Variants in FARS2 observed in about 807,000 individuals in gnomAD.
The protein encoded by FARS2 is phenylalanyl-tRNA synthetase 2, mitochondrial.
Under a neutral mutation model 46.4 loss-of-function variants are expected in FARS2, and 40 were observed. The observed-to-expected ratio is 0.86, with a 90% CI of 0.67 to 1.12. The LOEUF (loss-of-function observed/expected upper bound fraction) is 1.12. Ranked by LOEUF, FARS2 falls within the 50% of genes most tolerant of loss-of-function variation. FARS2 has a pLI of 0.00. For missense variants in FARS2, 513 were observed against 567.9 expected, an observed-to-expected ratio of 0.90 and a Z score of 0.98; for synonymous variants, 234 against 214.9, an observed-to-expected ratio of 1.09 and a Z score of -0.78.
chr6:5,387,958 C>T (rs1197543728), intron 2 of FARS2, among the ~76,000 whole-genome samples: 3 of 152,160 alleles, frequency 2.0e-5, no homozygotes, highest in Non-Finnish European at 4.4e-5. Context: ...ACAGAAAGTT[C>T]CTGTATAATC....
intron 4 of FARS2, among the ~76,000 whole-genome samples, chr6:5,448,032 A>G (rs1257503919): frequency 6.6e-6 from 1 of 152,250 alleles, no homozygotes; most frequent in Non-Finnish European, 1.5e-5. Flanking sequence ...ATGGGATAGC[A>G]CATTCAAAGA....
chr6:5,397,547 G>A (rs1000728579), intron 2 of FARS2, among the ~76,000 whole-genome samples: 2 of 152,140 alleles, frequency 1.3e-5, no homozygotes, highest in African/African-American at 4.8e-5. Context: ...TGTGGAGGAG[G>A]AATTATATGG....
chr6:5,291,901 A>G (rs189302651), intron 1 of FARS2, among the ~76,000 whole-genome samples: 93 of 152,366 alleles, frequency 6.1e-4, no homozygotes, highest in Non-Finnish European at 8.5e-4. Context: ...TTATTACTCC[A>G]AAGAGTGCAT....
intron 4 of FARS2, among the ~76,000 whole-genome samples, chr6:5,499,794 C>CT (rs1482377367): frequency 6.6e-6 from 1 of 152,156 alleles, no homozygotes; most frequent in Non-Finnish European, 1.5e-5. Context: ...TTGATGAGAT[C>CT]ATAAGTCGTT....
rs188494125 is a variant in FARS2, at chr6:5,583,940, T to C, written c.1066-29229T>C. 1.2e-3 allele frequency among the ~76,000 whole-genome samples: 185 copies of C among 152,320 alleles called. 1 individual carries two copies. The highest frequency in any genetic ancestry group is 3.4e-3 in the Middle Eastern group (1 of 294). ...ACTTACTTCCTGAGAAAACTATTGC[T>C]GTTTCTTAAAGGTTCAATGGCTTTT... On this transcript the variant is annotated intron_variant, in intron 5 of 6. Transcript: ENST00000274680.
At chr6:5,272,578 C>G (rs755880601) in intron 1 of FARS2, 2 of 151,948 alleles carry the variant, frequency 1.3e-5, no homozygotes, top group Non-Finnish European at 2.9e-5. Flanking sequence ...ACATGTGATA[C>G]TTTAATACAT....
chr6:5,639,767 G>A (rs186855199), intron 6 of FARS2, among the ~76,000 whole-genome samples: 1 of 152,334 alleles, frequency 6.6e-6, no homozygotes, highest in African/African-American at 2.4e-5. Context: ...TTGATGACCA[G>A]TGGCTGCTTA....
At chr6:5,747,734 A>G (rs1440122866) in intron 6 of FARS2, among the ~76,000 whole-genome samples, 1 of 152,212 alleles carries the variant, frequency 6.6e-6, no homozygotes, top group African/African-American at 2.4e-5. Flanking sequence ...GAAACTGTGC[A>G]TGTAATCTTG....
intron 6 of FARS2, among the ~76,000 whole-genome samples, chr6:5,660,699 G>A (rs1355063411): frequency 1.3e-5 from 2 of 151,604 alleles, no homozygotes; most frequent in African/African-American, 4.9e-5. Flanking sequence ...TCAAGGTTGA[G>A]TGTGAGGCCA....
At position 5,499,766 on chromosome 6, in the gene FARS2, C is replaced by G. The variant is rs571417820; in HGVS notation, c.905-45414C>G. Among the ~76,000 whole-genome samples the G allele has an allele frequency of 2.6e-3, 398 of 152,316 alleles. 6 individuals are homozygous for G. The South Asian group carries it at 0.034, about 13-fold the overall frequency. On this transcript the variant is annotated intron_variant, in intron 4 of 6. Transcript: ENST00000274680. Reference sequence around the variant, plus strand: ...CTGGTACAAAGCCATTTATCTAGTTCTGTGTGCCAGAATATCTTTGATGAG... The same window carrying G: ...CTGGTACAAAGCCATTTATCTAGTTGTGTGTGCCAGAATATCTTTGATGAG...
chr6:5,761,901 A>T (rs1479182933), intron 6 of FARS2, among the ~76,000 whole-genome samples: 2 of 151,728 alleles, frequency 1.3e-5, no homozygotes, highest in Admixed American at 1.3e-4. Context: ...CCATCCAGGG[A>T]GGGCAGAAAC....
At chr6:5,559,860 C>T (rs1209567804) in intron 5 of FARS2, among the ~76,000 whole-genome samples, 1 of 152,072 alleles carries the variant, frequency 6.6e-6, no homozygotes, top group African/African-American at 2.4e-5. Flanking sequence ...AGATTTATGG[C>T]AGCACTAGCA....
chr6:5,285,568 G>A (rs1425662849), intron 1 of FARS2, among the ~76,000 whole-genome samples: 1 of 152,216 alleles, frequency 6.6e-6, no homozygotes, highest in Non-Finnish European at 1.5e-5. Flanking sequence ...GGTGCTCGCA[G>A]TTATTCCTTG....
At chr6:5,758,908 A>C (rs1472716070) in intron 6 of FARS2, among the ~76,000 whole-genome samples, 1 of 152,020 alleles carries the variant, frequency 6.6e-6, no homozygotes, top group Non-Finnish European at 1.5e-5. Context: ...CTTTGCTTTG[A>C]GCTGTGCCAC....
chr6:5,431,752 C>G (rs1338081078), intron 4 of FARS2: 1 of 515,650 alleles, frequency 1.9e-6, no homozygotes, highest in Non-Finnish European at 4.0e-6. Flanking sequence ...TCAGAAAGAT[C>G]TGTCTGGCTC....
At chr6:5,701,324 G>A (rs1210601926) in intron 6 of FARS2, among the ~76,000 whole-genome samples, 1 of 152,240 alleles carries the variant, frequency 6.6e-6, no homozygotes, top group African/African-American at 2.4e-5. Context: ...CTGAGCCACC[G>A]TAAATCACCT....
At chr6:5,281,388 T>A (rs1439658016) in intron 1 of FARS2, among the ~76,000 whole-genome samples, 2 of 152,216 alleles carry the variant, frequency 1.3e-5, no homozygotes, top group East Asian at 1.9e-4. Flanking sequence ...AACCTGTAGT[T>A]GTTTTGTTTT....
chr6:5,366,701 C>T (rs758875091), intron 1 of FARS2, among the ~76,000 whole-genome samples: 6 of 152,134 alleles, frequency 3.9e-5, no homozygotes, highest in African/African-American at 7.2e-5. Context: ...GGAAAAGCAT[C>T]GACAGCAGCC....
At chr6:5,326,789 G>C (rs1179117816) in intron 1 of FARS2, among the ~76,000 whole-genome samples, 1 of 152,192 alleles carries the variant, frequency 6.6e-6, no homozygotes, top group Non-Finnish European at 1.5e-5. Context: ...GTTGTGGGGA[G>C]CATGAGGTAG....
Sources: gnomAD v4.1 joint callset for allele counts (sites outside exome capture counted in the v4.1 genomes callset) on GRCh38, gnomAD v4.1.1 for gene constraint, MANE v1.5 for transcripts, NCBI Gene and HGNC (gene_info 2026-07-23, HGNC 2026-07-21) for gene names.